Variants in SNX32 observed in about 807,000 individuals in gnomAD.
SNX32 encodes the protein sorting nexin 32.
In SNX32, 58 loss-of-function variants were observed where a neutral mutation model predicts 57.0. The observed-to-expected ratio is 1.02, with a 90% CI of 0.82 to 1.27. The LOEUF is 1.27. SNX32 is among the 50% of genes most tolerant of loss of function. The pLI, the probability that SNX32 is intolerant of heterozygous loss-of-function variation, is 0.00. For synonymous variants in SNX32, 262 were observed against 220.4 expected, an observed-to-expected ratio of 1.19 and a Z score of -1.67; for missense variants, 589 against 541.2, an observed-to-expected ratio of 1.09 and a Z score of -0.88.
chr11:65,838,682 C>A (rs1268038802), intron 1 of SNX32, among the ~76,000 whole-genome samples: 15 of 152,152 alleles, frequency 9.9e-5, no homozygotes, highest in Admixed American at 9.8e-4. Flanking sequence ...TACATTATTT[C>A]AAATGCACAT....
chr11:65,838,231 A>G (rs890583181), intron 1 of SNX32, among the ~76,000 whole-genome samples: 8 of 151,948 alleles, frequency 5.3e-5, no homozygotes, highest in Non-Finnish European at 7.4e-5. Flanking sequence ...GGAAGGAGAA[A>G]TAAAGAGGGA....
In SNX32 at chr11:65,844,468, G is replaced by A. The variant is rs79302988; in HGVS notation, c.37-5010G>A. On this transcript the variant is annotated intron_variant, in intron 1 of 12. Transcript: ENST00000308342. ...AAAAAAAATAATAAATAGAGAGAGA[G>A]AGAGATAAAATGACTAACGACTCTG... is the stretch of plus-strand genomic sequence containing the variant. 9.9e-3 allele frequency among the ~76,000 whole-genome samples: 1,486 copies of A among 150,670 alleles called. 22 individuals carry two copies. The highest frequency in any genetic ancestry group is 0.034 in the African/African-American group (1,382 of 41,226).
chr11:65,851,583 G>A, intron 8 of SNX32, 57 bp from the exon 9 acceptor site: 1 of 1,598,062 alleles, frequency 6.3e-7, no homozygotes, highest in South Asian at 1.1e-5. Flanking sequence ...CTGAGACAGA[G>A]AGGCTTTGAG....
chr11:65,853,044 T>C (rs1859269480), intron 12 of SNX32, 86 bp downstream of exon 12: 14 of 1,410,338 alleles, frequency 9.9e-6, no homozygotes, highest in African/African-American at 1.4e-5. Context: ...TGTGCGTGCA[T>C]GTGAGGGTGT....
rs142463563 is a variant in SNX32, at chr11:65,850,860, C to G, written c.603+5C>G. The G allele has an allele frequency of 6.2e-7, 1 of 1,611,138 alleles. No homozygotes were observed. The highest frequency in any genetic ancestry group is 1.1e-5 in the South Asian group (1 of 90,856). On this transcript the variant is annotated splice_donor_5th_base_variant and intron_variant, in intron 6 of 12. Transcript: ENST00000308342. ...ACGGGCATGTCAGGGCTCAAGGTAA[C>G]CCCTGGTGCTCCTCTCCGGATTCAA...
chr11:65,851,204 C>A, intron 7 of SNX32, 44 bp downstream of exon 7: 1 of 1,603,546 alleles, frequency 6.2e-7, no homozygotes, highest in Non-Finnish European at 8.5e-7. Context: ...GCCCCTCTCC[C>A]CAGCGGTTCA....
rs781349531 is a variant in SNX32 at position 65,851,108 on chromosome 11, C to T, written c.657C>T (p.Thr219=). 1.9e-5 allele frequency: 30 copies of T among 1,613,734 alleles called. No homozygotes were observed. The highest frequency in any genetic ancestry group is 2.5e-5 in the Non-Finnish European group (29 of 1,180,018). The change falls in exon 7 of 13, where the codon ACC becomes ACT. Residue 219 remains threonine, a synonymous_variant. Transcript: ENST00000308342. The part of the protein sequence containing the change: ...HERTFLLEYH[T]RIRDACLRAD... Reference sequence around the variant, plus strand: ...GGACCTTCCTGTTGGAGTATCACACCCGTATCCGAGATGCCTGCCTGCGGG... The same window carrying T: ...GGACCTTCCTGTTGGAGTATCACACTCGTATCCGAGATGCCTGCCTGCGGG...
intron 1 of SNX32, among the ~76,000 whole-genome samples, chr11:65,839,298 C>T (rs1206913405): frequency 6.9e-5 from 8 of 116,436 alleles, no homozygotes; most frequent in Non-Finnish European, 5.0e-5. Flanking sequence ...GGCGGGATCT[C>T]GGCTCACTGC....
chr11:65,841,097 A>C (rs1279756646), intron 1 of SNX32, among the ~76,000 whole-genome samples: 1 of 151,752 alleles, frequency 6.6e-6, no homozygotes, highest in Admixed American at 6.6e-5. Flanking sequence ...AGCGCCCCCC[A>C]CCACACCTGG....
At chr11:65,842,659 T>C (rs1858872469) in intron 1 of SNX32, among the ~76,000 whole-genome samples, 3 of 145,594 alleles carry the variant, frequency 2.1e-5, no homozygotes, top group Admixed American at 2.0e-4. Context: ...TCTCAAGAAA[T>C]TAAAATTAGG....
At chr11:65,838,307 T>C (rs1456761289) in intron 1 of SNX32, among the ~76,000 whole-genome samples, 1 of 152,150 alleles carries the variant, frequency 6.6e-6, no homozygotes, top group African/African-American at 2.4e-5. Flanking sequence ...TATAGGCACC[T>C]AATAATATAG....
intron 1 of SNX32, among the ~76,000 whole-genome samples, chr11:65,834,687 C>T (rs576863656): frequency 3.4e-5 from 5 of 146,370 alleles, no homozygotes; most frequent in East Asian, 2.1e-4. Context: ...CACGCATGTG[C>T]CTGTGTGTGT....
At chr11:65,839,618 T>A (rs904613406) in intron 1 of SNX32, among the ~76,000 whole-genome samples, 3 of 134,452 alleles carry the variant, frequency 2.2e-5, no homozygotes, top group African/African-American at 8.0e-5. Context: ...GTGCTGGGAT[T>A]ATAGCATGAG....
intron 1 of SNX32, among the ~76,000 whole-genome samples, chr11:65,838,205 A>AG (rs1016236365): frequency 4.6e-5 from 7 of 150,988 alleles, no homozygotes; most frequent in African/African-American, 1.7e-4. Flanking sequence ...AAGGAAGAAA[A>AG]GAAGGAAGGA....
chr11:65,841,232 CTT>C (rs768218175), intron 1 of SNX32, among the ~76,000 whole-genome samples: 4 of 134,824 alleles, frequency 3.0e-5, no homozygotes, highest in Non-Finnish European at 3.2e-5. Flanking sequence ...CTCGCCTGGA[CTT>C]TTTTTTTTTT....
intron 1 of SNX32, among the ~76,000 whole-genome samples, chr11:65,834,793 C>CTG (rs1354856133): frequency 6.9e-6 from 1 of 144,532 alleles, no homozygotes; most frequent in Non-Finnish European, 1.5e-5. Context: ...GTGTGTGTCT[C>CTG]TGTGTGTGTG....
At position 65,851,382 on chromosome 11, in the gene SNX32, A is replaced by AG. The variant is rs753598857; in HGVS notation, c.766dup (p.Glu256GlyfsTer17). ...GCTGCGCTGAGCAGTCTGGGAACACAGGAAGTCAACCAGCTAAGGACGTGA... is the reference window on the plus strand; with the variant it reads ...GCTGCGCTGAGCAGTCTGGGAACACAGGGAAGTCAACCAGCTAAGGACGTGA... On this transcript the variant is annotated frameshift_variant, in exon 8 of 13. Coordinates refer to ENST00000308342, the MANE Select transcript of SNX32 (RefSeq NM_152760.3). LOFTEE classifies it high-confidence loss of function. 2.3e-5 allele frequency: 37 copies of AG among 1,614,038 alleles called. No individual in the cohort carries two copies. The highest frequency in any genetic ancestry group is 1.6e-4 in the Middle Eastern group (1 of 6,084).
At chr11:65,835,073 G>A (rs1167219205) in intron 1 of SNX32, among the ~76,000 whole-genome samples, 5 of 150,604 alleles carry the variant, frequency 3.3e-5, no homozygotes, top group East Asian at 2.0e-4. Context: ...CTGTGTGTGC[G>A]TGTGTCTGTG....
chr11:65,843,429 C>T (rs1473058200), intron 1 of SNX32, among the ~76,000 whole-genome samples: 5 of 150,348 alleles, frequency 3.3e-5, no homozygotes, highest in African/African-American at 4.9e-5. Context: ...ATTAGCCAGG[C>T]GTTGTGGCGG....
Sources: allele counts gnomAD v4.1 joint callset (sites outside exome capture counted in the v4.1 genomes callset), GRCh38; gene constraint gnomAD v4.1.1; transcripts MANE v1.5; gene names NCBI Gene and HGNC (gene_info 2026-07-23, HGNC 2026-07-21).